HERC6: variants seen among roughly 807,000 people sequenced by gnomAD.
HERC6 encodes HECT and RLD domain containing E3 ubiquitin protein ligase family member 6.
In HERC6, 101 loss-of-function variants were observed where a neutral mutation model predicts 114.5. The observed-to-expected ratio is 0.88, with a 90% CI of 0.75 to 1.04. The LOEUF (loss-of-function observed/expected upper bound fraction) is 1.04, where lower values mean the gene tolerates loss of function less well. Ranked by LOEUF, HERC6 falls within the 50% of genes least tolerant of loss-of-function variation. The pLI is 0.00. For missense variants in HERC6, 1,133 were observed against 1,230.9 expected (o/e 0.92, Z 1.19); for synonymous variants, 408 against 436.2 (o/e 0.94, Z 0.81).
chr4:88,430,605 TA>T (rs1020181951), intron 16 of HERC6, among the ~76,000 whole-genome samples: 3 of 150,478 alleles, frequency 2.0e-5, no homozygotes, highest in African/African-American at 7.4e-5. Flanking sequence ...AATAAATAAA[TA>T]AATAAAAAGA....
chr4:88,388,919 C>G (rs1734746746), intron 3 of HERC6, among the ~76,000 whole-genome samples: 2 of 152,206 alleles, frequency 1.3e-5, no homozygotes, highest in Non-Finnish European at 2.9e-5. Flanking sequence ...TCCAGCCCTA[C>G]TGAATAGCCA....
At chr4:88,399,180 A>G (rs1735410291) in intron 8 of HERC6, 1 of 152,212 alleles carries the variant, frequency 6.6e-6, no homozygotes, top group Admixed American at 6.5e-5. Flanking sequence ...ATTCCTGACG[A>G]CAGGAAAAAG....
intron 12 of HERC6, among the ~76,000 whole-genome samples, chr4:88,414,964 C>T (rs1676942264): frequency 1.3e-5 from 2 of 152,058 alleles, no homozygotes; most frequent in Non-Finnish European, 2.9e-5. Context: ...CCTCTGACAG[C>T]AGCAGTAAGC....
At chr4:88,401,386 G>C (rs1001980377) in intron 8 of HERC6, among the ~76,000 whole-genome samples, 15 of 151,758 alleles carry the variant, frequency 9.9e-5, no homozygotes, top group Admixed American at 7.2e-4. Context: ...CCAGCTACTC[G>C]GGAGGCTGAG....
At chr4:88,426,528 G>A (rs947768015) in intron 15 of HERC6, among the ~76,000 whole-genome samples, 1 of 151,520 alleles carries the variant, frequency 6.6e-6, no homozygotes, top group Non-Finnish European at 1.5e-5. Context: ...TGCCCAGGCT[G>A]GAGTGCGATG....
chr4:88,412,720 C>A (rs1412515069), intron 11 of HERC6, among the ~76,000 whole-genome samples: 1 of 152,194 alleles, frequency 6.6e-6, no homozygotes, highest in East Asian at 1.9e-4. Context: ...GGGAAGGGGA[C>A]AGCTCTTCCT....
At chr4:88,420,238 G>C (rs1485998139) in intron 13 of HERC6, among the ~76,000 whole-genome samples, 1 of 152,132 alleles carries the variant, frequency 6.6e-6, no homozygotes, top group Non-Finnish European at 1.5e-5. Flanking sequence ...CCTTGTACCT[G>C]TATAACACCG....
intron 11 of HERC6, among the ~76,000 whole-genome samples, chr4:88,410,554 A>G (rs957596207): frequency 6.6e-6 from 1 of 152,188 alleles, no homozygotes; most frequent in African/African-American, 2.4e-5. Flanking sequence ...GCACTAATCC[A>G]TTCATGAGAG....
At chr4:88,435,576 A>T (rs962989464) in intron 17 of HERC6, 149 bp from the exon 18 acceptor site, 1 of 451,862 alleles carries the variant, frequency 2.2e-6, no homozygotes, top group Non-Finnish European at 3.8e-6. Context: ...TCTGTAGAAG[A>T]ACTTCACATT....
intron 2 of HERC6, among the ~76,000 whole-genome samples, chr4:88,384,581 T>C (rs1282715292): frequency 6.6e-6 from 1 of 152,232 alleles, no homozygotes; most frequent in Non-Finnish European, 1.5e-5. Flanking sequence ...TTGTTACCTC[T>C]TCTGGTCATT....
At chr4:88,425,848 T>C (rs748408479) in intron 15 of HERC6, among the ~76,000 whole-genome samples, 9 of 152,210 alleles carry the variant, frequency 5.9e-5, no homozygotes, top group Admixed American at 6.5e-5. Context: ...GAAAAGTTTA[T>C]ATCTATTTTT....
rs529699750 is a variant in HERC6 at position 88,442,958 on chromosome 4, A to G, written c.*498A>G. ...GGTGTAACCATCAAGAAACCTCTACAGGGTACTTAAGCCCCAGAAGATTTT... is the reference window on the plus strand; with the variant it reads ...GGTGTAACCATCAAGAAACCTCTACGGGGTACTTAAGCCCCAGAAGATTTT... On this transcript the variant is annotated 3_prime_UTR_variant, in exon 23 of 23. Coordinates refer to ENST00000264346, the MANE Select transcript of HERC6 (RefSeq NM_017912.4). 2.5e-5 allele frequency: 4 copies of G among 163,078 alleles called. No individual in the cohort carries two copies. The highest frequency in any genetic ancestry group is 9.6e-5 in the African/African-American group (4 of 41,732). The allele number at this position is 163,078 out of a possible 1,614,324, so 10.1% of individuals were successfully genotyped here.
intron 10 of HERC6, 22 bp downstream of exon 10, chr4:88,405,635 C>G (rs946715429): frequency 2.3e-6 from 3 of 1,290,186 alleles, no homozygotes; most frequent in Non-Finnish European, 3.2e-6. Flanking sequence ...ATAAGATTTA[C>G]CTTCATTTAA....
At chr4:88,385,218 T>C (rs866434361) in intron 2 of HERC6, among the ~76,000 whole-genome samples, 3 of 152,290 alleles carry the variant, frequency 2.0e-5, no homozygotes, top group Non-Finnish European at 4.4e-5. Context: ...GGCTATTAAG[T>C]GTAGAATAAA....
intron 12 of HERC6, among the ~76,000 whole-genome samples, chr4:88,415,099 C>G (rs1011791901): frequency 2.0e-5 from 3 of 152,178 alleles, no homozygotes; most frequent in Admixed American, 1.3e-4. Context: ...CCAGAAGTGG[C>G]TACAGGTTCT....
chr4:88,423,577 T>C (rs1267445214), intron 13 of HERC6, among the ~76,000 whole-genome samples: 8 of 152,230 alleles, frequency 5.3e-5, no homozygotes, highest in African/African-American at 2.4e-5. Flanking sequence ...GCTTTTATTC[T>C]CAAAATCTAG....
At chr4:88,398,403 C>T (rs1735360616) in intron 8 of HERC6, 194 bp downstream of exon 8, 2 of 403,322 alleles carry the variant, frequency 5.0e-6, no homozygotes, top group Non-Finnish European at 8.8e-6. Flanking sequence ...ACAGATTAGA[C>T]CCCCCCACCA....
chr4:88,392,902 G>A (rs1431830971), intron 4 of HERC6, among the ~76,000 whole-genome samples: 2 of 152,162 alleles, frequency 1.3e-5, no homozygotes, highest in Non-Finnish European at 2.9e-5. Flanking sequence ...TAACCTATGT[G>A]TACTTCTCCT....
At chr4:88,419,647 T>C (rs1013711403) in intron 13 of HERC6, among the ~76,000 whole-genome samples, 13 of 152,194 alleles carry the variant, frequency 8.5e-5, no homozygotes, top group African/African-American at 3.1e-4. Context: ...GAGAAATTCT[T>C]AAGTGATGTC....
Sources: allele counts gnomAD v4.1 joint callset (sites outside exome capture counted in the v4.1 genomes callset), GRCh38; gene constraint gnomAD v4.1.1; transcripts MANE v1.5; gene names NCBI Gene and HGNC (gene_info 2026-07-23, HGNC 2026-07-21).